DLGAP2: variants seen among roughly 807,000 people sequenced by gnomAD.
DLGAP2 encodes DLG associated protein 2.
Under a neutral mutation model 100.3 loss-of-function variants are expected in DLGAP2, and 26 were observed. The ratio of observed to expected loss-of-function variants is 0.26; its 90% CI spans 0.19 to 0.36. DLGAP2 has a LOEUF of 0.36. Ranked by LOEUF, DLGAP2 falls within the 10% of genes least tolerant of loss-of-function variation. The pLI, the probability that DLGAP2 is intolerant of heterozygous loss-of-function variation, is 1.00. For synonymous variants in DLGAP2, 886 were observed against 630.1 expected, an observed-to-expected ratio of 1.41 and a Z score of -6.08; for missense variants, 1,858 against 1,453.2, an observed-to-expected ratio of 1.28 and a Z score of -4.53.
chr8:1,215,458 T>A (rs111729695), intron 2 of DLGAP2, among the ~76,000 whole-genome samples: 7,289 of 131,504 alleles, frequency 0.055, 296 homozygotes, highest in African/African-American at 0.16. Context: ...TTTGGGTGCA[T>A]CACCTGGAGA....
intron 2 of DLGAP2, among the ~76,000 whole-genome samples, chr8:1,236,200 G>GTTCTCTCACATGGCGCCGTGTCTAT (rs1798649048): frequency 9.4e-6 from 1 of 106,042 alleles, no homozygotes; most frequent in Non-Finnish European, 1.9e-5. Flanking sequence ...ATCGTGTCTA[G>GTTCTCTCACATGGCGCCGTGTCTAT]TTCTCTCACA....
chr8:1,203,857 G>T (rs770801843), intron 2 of DLGAP2, among the ~76,000 whole-genome samples: 109 of 152,190 alleles, frequency 7.2e-4, no homozygotes, highest in Non-Finnish European at 1.1e-3. Flanking sequence ...ATGAAGGCAG[G>T]CTCGTTCTCA....
intron 2 of DLGAP2, among the ~76,000 whole-genome samples, chr8:1,135,283 C>CCCAAAT (rs1278878701): frequency 6.6e-6 from 1 of 151,998 alleles, no homozygotes; most frequent in Non-Finnish European, 1.5e-5. Flanking sequence ...AACCTTTGTC[C>CCCAAAT]CCAAATCCAT....
chr8:784,213 A>G (rs1442410776), intron 1 of DLGAP2, among the ~76,000 whole-genome samples: 9 of 152,232 alleles, frequency 5.9e-5, no homozygotes, highest in Non-Finnish European at 1.3e-4. Context: ...GTTCATCAAA[A>G]TTTATAATTA....
chr8:875,645 G>A (rs1434180565), intron 1 of DLGAP2, among the ~76,000 whole-genome samples: 4 of 152,184 alleles, frequency 2.6e-5, no homozygotes, highest in African/African-American at 9.7e-5. Context: ...CCAGTCGTGA[G>A]TATGTCCTTA....
At chr8:1,411,963 C>T (rs754759130) in intron 3 of DLGAP2, among the ~76,000 whole-genome samples, 6 of 152,248 alleles carry the variant, frequency 3.9e-5, no homozygotes, top group African/African-American at 1.4e-4. Flanking sequence ...ACACATGCTC[C>T]GAAAACCTAC....
chr8:1,599,478 T>C (rs1187024457), intron 6 of DLGAP2, among the ~76,000 whole-genome samples: 1 of 152,190 alleles, frequency 6.6e-6, no homozygotes, highest in East Asian at 1.9e-4. Flanking sequence ...CTCCCATTAT[T>C]ATTGTATGGG....
chr8:1,255,099 C>CCCGGCCG (rs1563043557), intron 2 of DLGAP2, among the ~76,000 whole-genome samples: 3 of 134,948 alleles, frequency 2.2e-5, no homozygotes, highest in African/African-American at 9.0e-5. Flanking sequence ...TCTCATCCTG[C>CCCGGCCG]CTGGGTGCTG....
chr8:1,332,131 C>T (rs1801170842), intron 3 of DLGAP2, among the ~76,000 whole-genome samples: 1 of 152,174 alleles, frequency 6.6e-6, no homozygotes, highest in African/African-American at 2.4e-5. Flanking sequence ...GTCAATGTGT[C>T]CTGGTGTAGA....
intron 3 of DLGAP2, among the ~76,000 whole-genome samples, chr8:1,491,331 T>TCCTGACACCGGAGGCTTCGGGCCGCTCCC (rs1799378716): frequency 2.1e-5 from 1 of 48,412 alleles, no homozygotes; most frequent in Non-Finnish European, 6.5e-5. Context: ...AGGCCGCTGC[T>TCCTGACACCGGAGGCTTCGGGCCGCTCCC]CCTGACCCCG....
intron 12 of DLGAP2, chr8:1,680,941 C>T (rs1798928635): frequency 6.6e-6 from 1 of 152,222 alleles, no homozygotes; most frequent in Non-Finnish European, 1.5e-5. Context: ...TGCCTTCCTT[C>T]CAGGATGAGA....
chr8:1,181,665 C>T (rs1026772279), intron 2 of DLGAP2, among the ~76,000 whole-genome samples: 1 of 152,078 alleles, frequency 6.6e-6, no homozygotes, highest in African/African-American at 2.4e-5. Context: ...ACAAACCTGC[C>T]CATTTACCCC....
intron 3 of DLGAP2, among the ~76,000 whole-genome samples, chr8:1,472,966 C>G (rs1048660296): frequency 6.6e-6 from 1 of 152,050 alleles, no homozygotes; most frequent in Non-Finnish European, 1.5e-5. Context: ...TGGACTCTTG[C>G]TTTGTCCAGG....
chr8:1,000,890 G>T (rs1324335766), intron 2 of DLGAP2, among the ~76,000 whole-genome samples: 1 of 152,126 alleles, frequency 6.6e-6, no homozygotes, highest in Non-Finnish European at 1.5e-5. Flanking sequence ...TGCTCATCGG[G>T]TGCTGATTCT....
intron 2 of DLGAP2, among the ~76,000 whole-genome samples, chr8:1,021,054 G>A (rs948897306): frequency 6.6e-6 from 1 of 152,200 alleles, no homozygotes; most frequent in Non-Finnish European, 1.5e-5. Flanking sequence ...TCACACCTGG[G>A]ATGCAGACTC....
At chr8:1,689,907 C>G (rs1251277969) in intron 12 of DLGAP2, among the ~76,000 whole-genome samples, 1 of 152,202 alleles carries the variant, frequency 6.6e-6, no homozygotes, top group African/African-American at 2.4e-5. Context: ...AATTGTTGCT[C>G]TGGCAAATAA....
chr8:1,298,098 CAG>C (rs1172840025), intron 3 of DLGAP2, among the ~76,000 whole-genome samples: 2 of 129,146 alleles, frequency 1.5e-5, no homozygotes, highest in East Asian at 2.3e-4. Context: ...CCACGTGAGA[CAG>C]GGAGGAGAAA....
intron 8 of DLGAP2, among the ~76,000 whole-genome samples, chr8:1,648,555 C>T (rs1798093997): frequency 6.6e-6 from 1 of 152,076 alleles, no homozygotes; most frequent in Non-Finnish European, 1.5e-5. Context: ...CCATTGGTCC[C>T]CTCATTGGTC....
intron 2 of DLGAP2, among the ~76,000 whole-genome samples, chr8:1,148,135 C>G (rs1306656396): frequency 6.6e-6 from 1 of 152,132 alleles, no homozygotes; most frequent in Non-Finnish European, 1.5e-5. Context: ...GATTTGATAT[C>G]TTTTCTAGAC....
Sources: gnomAD v4.1 joint callset for allele counts (sites outside exome capture counted in the v4.1 genomes callset) on GRCh38, gnomAD v4.1.1 for gene constraint, MANE v1.5 for transcripts, NCBI Gene and HGNC (gene_info 2026-07-23, HGNC 2026-07-21) for gene names.